The following PTPRT variants were observed in gnomAD, a reference collection of about 807,000 sequenced individuals.
The protein encoded by PTPRT is receptor-type tyrosine-protein phosphatase T.
In PTPRT, 56 loss-of-function variants were observed where a neutral mutation model predicts 176.8. The ratio of observed to expected loss-of-function variants is 0.32; its 90% confidence interval spans 0.26 to 0.40. PTPRT has a LOEUF of 0.40. Among genes scored for constraint, PTPRT ranks in the 10% least tolerant of loss-of-function variants. PTPRT has a pLI of 1.00. For synonymous variants in PTPRT, 783 were observed against 739.0 expected (o/e 1.06, Z -0.96); for missense variants, 1,540 against 1,908.2 (o/e 0.81, Z 3.60).
At chr20:42,272,644 T>G (rs888261863) in intron 13 of PTPRT, among the ~76,000 whole-genome samples, 1 of 152,178 alleles carries the variant, frequency 6.6e-6, no homozygotes, top group African/African-American at 2.4e-5. Context: ...GGCAGTCTGC[T>G]TAAGTACCTC....
At chr20:42,045,488 C>T in the PTPRT span, among the ~76,000 whole-genome samples, 1 of 151,052 alleles carries the variant, frequency 6.6e-6, no homozygotes, top group Non-Finnish European at 1.5e-5. Context: ...TTGATCCATA[C>T]ATTAAAATGT....
chr20:42,133,903 T>A (rs924372055), intron 18 of PTPRT, among the ~76,000 whole-genome samples: 10 of 152,184 alleles, frequency 6.6e-5, no homozygotes, highest in African/African-American at 2.4e-4. Context: ...AATGATGGTT[T>A]TGGGGCTGAA....
At chr20:42,553,408 T>C (rs571289036) in intron 7 of PTPRT, among the ~76,000 whole-genome samples, 81 of 152,226 alleles carry the variant, frequency 5.3e-4, no homozygotes, top group African/African-American at 1.9e-3. Flanking sequence ...ACTTTCCTTC[T>C]TACTGACCAT....
At chr20:43,166,728 G>C (rs1004629316) in intron 1 of PTPRT, among the ~76,000 whole-genome samples, 7 of 152,166 alleles carry the variant, frequency 4.6e-5, no homozygotes, top group Non-Finnish European at 8.8e-5. Context: ...ACAGATAAGG[G>C]GGGTAAGAGA....
intron 7 of PTPRT, among the ~76,000 whole-genome samples, chr20:42,477,788 A>T (rs181445721): frequency 2.0e-4 from 31 of 152,116 alleles, no homozygotes. Context: ...GAAGCTGGAA[A>T]ACCATCCTCT....
Position 42,448,202 on chromosome 20 carries a change from C to A in PTPRT, c.1560+18G>T, listed in dbSNP as rs776363606. 2 of 1,571,732 alleles carry A rather than the reference C, an allele frequency of 1.3e-6. No individual in the cohort carries two copies. Among genetic ancestry groups the A allele is most frequent in the South Asian group, 2.2e-5 (2 of 90,162 alleles). ...AATAAAGCTAAGCCAATGGATGCAG[C>A]ACAAGGGACCTCCTTACCTCGTAGA... On this transcript the variant is annotated intron_variant, in intron 9 of 30. Coordinates refer to ENST00000373187, the MANE Select transcript of PTPRT (RefSeq NM_007050.6).
intron 1 of PTPRT, among the ~76,000 whole-genome samples, chr20:42,894,788 C>T (rs1237442414): frequency 1.3e-5 from 2 of 152,204 alleles, no homozygotes; most frequent in African/African-American, 4.8e-5. Flanking sequence ...TGCCAATCTG[C>T]ACTTCTGGAG....
chr20:42,070,140 C>T (rs1982261971), downstream of PTPRT, among the ~76,000 whole-genome samples: 1 of 152,020 alleles, frequency 6.6e-6, no homozygotes, highest in African/African-American at 2.4e-5. Flanking sequence ...CCTTGCCACC[C>T]CCAAACCCTG....
rs367916450 is a variant in PTPRT, at chr20:42,093,442, C to T, written c.3846+4979G>A. On this transcript the variant is annotated intron_variant, in intron 27 of 30. Coordinates refer to ENST00000373187, the MANE Select transcript of PTPRT (RefSeq NM_007050.6). ...TTTGAGCCCTCATTGATCATAATTA[C>T]CTTTGAACAGCAACCACTGCAGGAA... is the stretch of plus-strand genomic sequence containing the variant. Among the ~76,000 whole-genome samples the T allele has an allele frequency of 1.3e-4, 18 of 138,528 alleles. No individual in the cohort carries two copies. In the East Asian group the frequency reaches 1.9e-3, roughly 15 times the overall value. The allele number at this position is 138,528 out of a possible 152,430, so 90.9% of individuals were successfully genotyped here.
intron 1 of PTPRT, among the ~76,000 whole-genome samples, chr20:42,989,671 C>T (rs2146104247): frequency 6.6e-6 from 1 of 152,312 alleles, no homozygotes; most frequent in East Asian, 1.9e-4. Context: ...CACTTGATTC[C>T]ATTTCCCCAG....
At chr20:43,131,505 A>G (rs1426432267) in intron 1 of PTPRT, among the ~76,000 whole-genome samples, 1 of 152,240 alleles carries the variant, frequency 6.6e-6, no homozygotes, top group African/African-American at 2.4e-5. Flanking sequence ...AGAAAATAAA[A>G]CAGAATTTTC....
chr20:42,216,411 A>G (rs1051599510), intron 15 of PTPRT, among the ~76,000 whole-genome samples: 2 of 152,302 alleles, frequency 1.3e-5, no homozygotes, highest in Admixed American at 1.3e-4. Context: ...TTAACATATT[A>G]AGAGATGATC....
intron 14 of PTPRT, among the ~76,000 whole-genome samples, chr20:42,238,452 C>G (rs1249195273): frequency 6.6e-6 from 1 of 152,136 alleles, no homozygotes; most frequent in Non-Finnish European, 1.5e-5. Flanking sequence ...ATTGGAAGCT[C>G]CTACAGAAAG....
At chr20:42,614,901 C>T (rs2074039922) in intron 7 of PTPRT, among the ~76,000 whole-genome samples, 1 of 150,100 alleles carries the variant, frequency 6.7e-6, no homozygotes, top group African/African-American at 2.5e-5. Flanking sequence ...TAGAGGAACT[C>T]TCGGTTTTTT....
chr20:43,020,092 A>ATGTGTG (rs143435604), intron 1 of PTPRT, among the ~76,000 whole-genome samples: 357 of 141,472 alleles, frequency 2.5e-3, no homozygotes, highest in Non-Finnish European at 4.0e-3. Context: ...GTGAGTGTGT[A>ATGTGTG]TGTGTGTGTG....
rs138534264 is a variant in PTPRT at position 42,483,847 on chromosome 20, A to G, written c.1154-11285T>C. 3.9e-5 allele frequency among the ~76,000 whole-genome samples: 6 copies of G among 152,340 alleles called. No homozygotes were observed. In the East Asian group the frequency reaches 1.2e-3, roughly 29 times the overall value. On this transcript the variant is annotated intron_variant, in intron 7 of 30. Coordinates refer to ENST00000373187, the MANE Select transcript of PTPRT (RefSeq NM_007050.6). The stretch of plus-strand genomic sequence containing the variant: ...CTAAGGCTAGGATGGCACAAATCAC[A>G]TGTGCTCTACTGTCTGGCTGCATGC...
chr20:42,201,606 G>A lies in PTPRT; in HGVS notation c.2343-2218C>T, dbSNP rs367669451. On this transcript the variant is annotated intron_variant, in intron 15 of 30. Transcript: ENST00000373187. ...CTATGGGACCAGAGGAACAAATAGA[G>A]GAAGCAGTAACCAGAGCCCCAAAGA... Among the ~76,000 whole-genome samples, 18 of 152,076 alleles carry A rather than the reference G, an allele frequency of 1.2e-4. No individual in the cohort carries two copies. The East Asian group carries it at 3.3e-3, about 28-fold the overall frequency.
intron 7 of PTPRT, among the ~76,000 whole-genome samples, chr20:42,570,441 T>C (rs934519827): frequency 2.6e-5 from 4 of 152,162 alleles, no homozygotes; most frequent in Non-Finnish European, 5.9e-5. Flanking sequence ...AGCTGCAAGT[T>C]TCTGACTCCA....
chr20:42,036,846 G>A, the PTPRT span, among the ~76,000 whole-genome samples: 1 of 152,152 alleles, frequency 6.6e-6, no homozygotes, highest in Admixed American at 6.5e-5. Flanking sequence ...ACATCCAGAA[G>A]CACCTTGCAT....
Sources: allele counts gnomAD v4.1 joint callset (sites outside exome capture counted in the v4.1 genomes callset), GRCh38; gene constraint gnomAD v4.1.1; transcripts MANE v1.5; gene names NCBI Gene and HGNC (gene_info 2026-07-23, HGNC 2026-07-21).